Variants in DNAAF4 observed in about 807,000 individuals in gnomAD.
The protein encoded by DNAAF4 is dynein axonemal assembly factor 4, also known as dynein assembly factor 4, axonemal.
A neutral mutation model predicts 51.8 loss-of-function variants in DNAAF4; 43 were observed. The ratio of observed to expected loss-of-function variants is 0.83; its 90% confidence interval spans 0.65 to 1.07. The LOEUF is 1.07. Among genes scored for constraint, DNAAF4 ranks in the 50% least tolerant of loss-of-function variants. The pLI, the probability that DNAAF4 is intolerant of heterozygous loss-of-function variation, is 0.00. For missense variants in DNAAF4, 581 were observed against 493.0 expected, an observed-to-expected ratio of 1.18 and a Z score of -1.69; for synonymous variants, 194 against 165.6, an observed-to-expected ratio of 1.17 and a Z score of -1.32.
chr15:55,438,185 A>G (rs2057647325), intron 7 of DNAAF4, among the ~76,000 whole-genome samples: 1 of 151,950 alleles, frequency 6.6e-6, no homozygotes, highest in African/African-American at 2.4e-5. Flanking sequence ...AGCCTGGCCA[A>G]CATGGTGAAA....
intron 1 of DNAAF4, among the ~76,000 whole-genome samples, chr15:55,506,920 G>A (rs1279167746): frequency 6.6e-6 from 1 of 151,842 alleles, no homozygotes; most frequent in Non-Finnish European, 1.5e-5. Context: ...GGGCATCTTG[G>A]CTCACTGCAA....
At chr15:55,489,884 T>C (rs891093535) in intron 4 of DNAAF4, among the ~76,000 whole-genome samples, 78 of 151,262 alleles carry the variant, frequency 5.2e-4, no homozygotes, top group African/African-American at 1.8e-3. Flanking sequence ...AGTTTTTTTT[T>C]TTTTTTTGAG....
chr15:55,469,056 C>G (rs976882753), intron 4 of DNAAF4, among the ~76,000 whole-genome samples: 1 of 152,116 alleles, frequency 6.6e-6, no homozygotes, highest in Non-Finnish European at 1.5e-5. Context: ...AGTGACCGGG[C>G]GCGGTGGCTC....
rs773610434 is a variant in DNAAF4, at chr15:55,439,516, T to C, written c.849A>G (p.Leu283=). The C allele has an allele frequency of 6.2e-7, 1 of 1,614,142 alleles. No homozygotes were observed. Among genetic ancestry groups the C allele is most frequent in the East Asian group, 2.2e-5 (1 of 44,882 alleles). ...ATTCTGGGTTCTTTTCTTCTTCTTT[T>C]AAATCGCAAAGTTCAGCTATGTCAG... ...MNTDIAELCD[L]KEEEKNPEWL... Residue 283 remains leucine (L), a synonymous_variant, in exon 7 of 10, where the codon TTA becomes TTG. Coordinates refer to ENST00000321149, the MANE Select transcript of DNAAF4 (RefSeq NM_130810.4).
intron 4 of DNAAF4, among the ~76,000 whole-genome samples, chr15:55,486,185 G>A (rs1339817149): frequency 4.7e-5 from 7 of 149,228 alleles, no homozygotes; most frequent in Non-Finnish European, 1.0e-4. Flanking sequence ...TTGGTTGGTT[G>A]GTTGGTTGGT....
intron 7 of DNAAF4, among the ~76,000 whole-genome samples, chr15:55,435,621 CT>C (rs2057595491): frequency 6.6e-6 from 1 of 152,142 alleles, no homozygotes; most frequent in Admixed American, 6.6e-5. Context: ...ACACCTTTAG[CT>C]GTTTAGTTAT....
intron 5 of DNAAF4, among the ~76,000 whole-genome samples, chr15:55,451,852 C>A (rs1382277411): frequency 6.6e-6 from 1 of 152,032 alleles, no homozygotes; most frequent in Non-Finnish European, 1.5e-5. Flanking sequence ...AACTCCTGGG[C>A]TCAAGCAATC....
chr15:55,500,053 T>TAAA (rs1004028131), intron 1 of DNAAF4, among the ~76,000 whole-genome samples: 2 of 149,054 alleles, frequency 1.3e-5, no homozygotes, highest in African/African-American at 4.9e-5. Context: ...TTTTTAACTT[T>TAAA]AAAAAAAAAA....
intron 1 of DNAAF4, among the ~76,000 whole-genome samples, chr15:55,501,806 G>A (rs1459406700): frequency 6.6e-6 from 1 of 150,486 alleles, no homozygotes; most frequent in Non-Finnish European, 1.5e-5. Context: ...ACTTTGGGAG[G>A]CCGAGGCAGG....
chr15:55,448,250 A>C (rs1431394027), intron 6 of DNAAF4, among the ~76,000 whole-genome samples: 1 of 152,084 alleles, frequency 6.6e-6, no homozygotes, highest in African/African-American at 2.4e-5. Context: ...CTTGCATCCC[A>C]GGGATGAAGC....
At chr15:55,447,462 C>T (rs1022086857) in intron 6 of DNAAF4, among the ~76,000 whole-genome samples, 2 of 151,516 alleles carry the variant, frequency 1.3e-5, no homozygotes, top group African/African-American at 4.9e-5. Context: ...CGAGATCATG[C>T]CACTGCACTC....
chr15:55,441,610 G>A (rs1244437188), intron 6 of DNAAF4, among the ~76,000 whole-genome samples: 1 of 147,014 alleles, frequency 6.8e-6, no homozygotes, highest in Admixed American at 7.0e-5. Flanking sequence ...TCCCCTTCCT[G>A]TGTCCAAGTG....
At chr15:55,434,332 A>C (rs559988858) in intron 8 of DNAAF4, among the ~76,000 whole-genome samples, 2 of 151,908 alleles carry the variant, frequency 1.3e-5, no homozygotes, top group Non-Finnish European at 2.9e-5. Context: ...ATGATATCAA[A>C]GTGATGAAGA....
chr15:55,453,630 A>G (rs2141469948), intron 5 of DNAAF4, among the ~76,000 whole-genome samples: 1 of 144,864 alleles, frequency 6.9e-6, no homozygotes, highest in East Asian at 2.0e-4. Context: ...GGCTCACTGC[A>G]AGCTCTGCCT....
chr15:55,466,513 C>A (rs1459607595), intron 5 of DNAAF4, among the ~76,000 whole-genome samples: 1 of 152,134 alleles, frequency 6.6e-6, no homozygotes, highest in Admixed American at 6.5e-5. Context: ...AGTAAGTCTG[C>A]TTATAGTACT....
intron 5 of DNAAF4, among the ~76,000 whole-genome samples, chr15:55,455,969 T>C (rs781691668): frequency 6.6e-6 from 1 of 152,052 alleles, no homozygotes; most frequent in Non-Finnish European, 1.5e-5. Flanking sequence ...CCCTGGCACA[T>C]AGTAGTCACC....
chr15:55,436,768 C>T (rs1296514669), intron 7 of DNAAF4, among the ~76,000 whole-genome samples: 1 of 152,112 alleles, frequency 6.6e-6, no homozygotes, highest in African/African-American at 2.4e-5. Flanking sequence ...ATCTACCCAT[C>T]TTGGCCTCTC....
downstream of DNAAF4, among the ~76,000 whole-genome samples, chr15:55,429,023 A>C (rs1422271740): frequency 6.6e-6 from 1 of 151,326 alleles, no homozygotes; most frequent in Non-Finnish European, 1.5e-5. Flanking sequence ...GGAGTTCGAG[A>C]CCAGCCTGGC....
intron 1 of DNAAF4, among the ~76,000 whole-genome samples, chr15:55,500,721 G>A (rs2058692421): frequency 1.3e-5 from 2 of 152,084 alleles, no homozygotes; most frequent in Non-Finnish European, 2.9e-5. Flanking sequence ...GGCCGGGCGT[G>A]GTGGCTCATG....
Sources: gnomAD v4.1 joint callset for allele counts (sites outside exome capture counted in the v4.1 genomes callset) on GRCh38, gnomAD v4.1.1 for gene constraint, MANE v1.5 for transcripts, NCBI Gene and HGNC (gene_info 2026-07-23, HGNC 2026-07-21) for gene names.